DLGAP2: variants seen among roughly 807,000 people sequenced by gnomAD.
The protein encoded by DLGAP2 is disks large-associated protein 2.
A neutral mutation model predicts 100.3 loss-of-function variants in DLGAP2; 26 were observed. The observed-to-expected ratio is 0.26, with a 90% CI of 0.19 to 0.36. The LOEUF is 0.36. Among genes scored for constraint, DLGAP2 ranks in the 10% least tolerant of loss-of-function variants. The pLI is 1.00. For synonymous variants in DLGAP2, 886 were observed against 630.1 expected, an observed-to-expected ratio of 1.41 and a Z score of -6.08; for missense variants, 1,858 against 1,453.2, an observed-to-expected ratio of 1.28 and a Z score of -4.53.
chr8:1,389,441 G>A (rs1796296109), intron 3 of DLGAP2, among the ~76,000 whole-genome samples: 1 of 152,240 alleles, frequency 6.6e-6, no homozygotes, highest in East Asian at 1.9e-4. Flanking sequence ...TTGACAAGGG[G>A]CCCTGCTGAG....
intron 3 of DLGAP2, among the ~76,000 whole-genome samples, chr8:1,305,914 T>C (rs1457811115): frequency 6.6e-6 from 1 of 152,226 alleles, no homozygotes; most frequent in Non-Finnish European, 1.5e-5. Context: ...GATTATTTTC[T>C]TAATTTCCTT....
At chr8:1,505,921 A>T (rs1304313387) in intron 4 of DLGAP2, among the ~76,000 whole-genome samples, 1 of 152,256 alleles carries the variant, frequency 6.6e-6, no homozygotes, top group African/African-American at 2.4e-5. Flanking sequence ...TTGATAAATG[A>T]ATGCAAAATG....
intron 2 of DLGAP2, among the ~76,000 whole-genome samples, chr8:933,310 G>T (rs542703033): frequency 1.5e-4 from 23 of 152,304 alleles, no homozygotes; most frequent in Non-Finnish European, 2.9e-4. Context: ...GGTCCCGGGG[G>T]TGAGGGCAGA....
At chr8:1,263,906 C>G (rs1158145856) in intron 3 of DLGAP2, among the ~76,000 whole-genome samples, 1 of 152,052 alleles carries the variant, frequency 6.6e-6, no homozygotes, top group Non-Finnish European at 1.5e-5. Flanking sequence ...ATTATTGTTG[C>G]TTAAGAACTA....
At chr8:1,075,516 C>T (rs1445951024) in intron 2 of DLGAP2, among the ~76,000 whole-genome samples, 1 of 152,078 alleles carries the variant, frequency 6.6e-6, no homozygotes, top group African/African-American at 2.4e-5. Context: ...CATTTTCATC[C>T]CCTGCAGGGG....
intron 2 of DLGAP2, among the ~76,000 whole-genome samples, chr8:1,074,385 G>T (rs1803537214): frequency 3.9e-5 from 6 of 152,232 alleles, no homozygotes; most frequent in Non-Finnish European, 8.8e-5. Flanking sequence ...AGGGTTTGCA[G>T]CACAGAATTT....
At chr8:778,930 C>G (rs1024842125) in intron 1 of DLGAP2, among the ~76,000 whole-genome samples, 4 of 152,248 alleles carry the variant, frequency 2.6e-5, no homozygotes, top group Non-Finnish European at 5.9e-5. Flanking sequence ...GTGGGCGCCC[C>G]TCCCCCAGCC....
rs772326736 is a variant in DLGAP2 at position 1,668,694 on chromosome 8, C to T, written c.2160+16C>T. Reference sequence around the variant, plus strand: ...CGGGATTCAGGTAGCTGCTCTTGGCCGCCCGTCAGGGCCTCGCTCCACTCA... The same window carrying T: ...CGGGATTCAGGTAGCTGCTCTTGGCTGCCCGTCAGGGCCTCGCTCCACTCA... On this transcript the variant is annotated intron_variant, in intron 9 of 14. Transcript: ENST00000637795. 1.7e-5 allele frequency: 25 copies of T among 1,507,880 alleles called. No homozygotes were observed. Among genetic ancestry groups the T allele is most frequent in the Non-Finnish European group, 2.1e-5 (24 of 1,124,440 alleles). 93.4% of individuals were successfully genotyped at this position (1,507,880 alleles called of 1,614,324 possible). A position where few individuals can be genotyped will look rare whatever the true frequency, so the allele number is the denominator to read the frequency against.
At chr8:940,117 G>A (rs1000284211) in intron 2 of DLGAP2, among the ~76,000 whole-genome samples, 3 of 152,058 alleles carry the variant, frequency 2.0e-5, no homozygotes, top group African/African-American at 7.3e-5. Context: ...GAAAGACAGT[G>A]GGGCGTGGGG....
intron 11 of DLGAP2, 59 bp downstream of exon 11, chr8:1,676,677 C>A (rs1798818588): frequency 3.3e-6 from 5 of 1,514,082 alleles, no homozygotes. Flanking sequence ...TGTCAAAGGC[C>A]TGATGGAAGC....
At chr8:1,324,854 T>G (rs1800984558) in intron 3 of DLGAP2, among the ~76,000 whole-genome samples, 1 of 152,164 alleles carries the variant, frequency 6.6e-6, no homozygotes, top group Non-Finnish European at 1.5e-5. Flanking sequence ...CGGAGCTGAT[T>G]TGTTTTCTTG....
chr8:1,328,838 G>A (rs996751654), intron 3 of DLGAP2, among the ~76,000 whole-genome samples: 8 of 152,202 alleles, frequency 5.3e-5, no homozygotes, highest in Non-Finnish European at 7.3e-5. Context: ...GAGAAAGGCC[G>A]AACACAGATG....
chr8:1,053,755 C>A (rs1802791683), intron 2 of DLGAP2, among the ~76,000 whole-genome samples: 1 of 152,144 alleles, frequency 6.6e-6, no homozygotes, highest in Non-Finnish European at 1.5e-5. Context: ...GGCAGGTTAG[C>A]AAGCAGCCAA....
intron 2 of DLGAP2, among the ~76,000 whole-genome samples, chr8:970,425 T>C (rs1799983954): frequency 6.6e-6 from 1 of 152,210 alleles, no homozygotes; most frequent in Admixed American, 6.5e-5. Flanking sequence ...CTGATCAACG[T>C]TTATCAGCCC....
intron 2 of DLGAP2, among the ~76,000 whole-genome samples, chr8:977,735 G>A (rs1158485196): frequency 1.4e-5 from 2 of 145,124 alleles, no homozygotes; most frequent in East Asian, 2.0e-4. Context: ...GGGCGTCGGG[G>A]ATGCAGTGAG....
chr8:988,928 T>C (rs1302337415), intron 2 of DLGAP2, among the ~76,000 whole-genome samples: 1 of 152,190 alleles, frequency 6.6e-6, no homozygotes, highest in Non-Finnish European at 1.5e-5. Context: ...TGCAGGTGCC[T>C]CTCCACATGC....
intron 3 of DLGAP2, among the ~76,000 whole-genome samples, chr8:1,317,573 C>G (rs1273232746): frequency 1.4e-5 from 2 of 139,608 alleles, no homozygotes; most frequent in Non-Finnish European, 3.1e-5. Flanking sequence ...ACTCGAGACA[C>G]TCGGCAGCGT....
At chr8:1,222,184 C>G (rs1313307337) in intron 2 of DLGAP2, among the ~76,000 whole-genome samples, 5 of 152,184 alleles carry the variant, frequency 3.3e-5, no homozygotes, top group Admixed American at 2.6e-4. Context: ...AGTTGTTGTG[C>G]TGGTTCTTTC....
At chr8:744,046 C>G (rs751276642) in intron 1 of DLGAP2, among the ~76,000 whole-genome samples, 16 of 152,238 alleles carry the variant, frequency 1.1e-4, no homozygotes, top group Non-Finnish European at 1.6e-4. Flanking sequence ...AATGCCCAGA[C>G]ACCTGTTTTA....
Sources: gnomAD v4.1 joint callset for allele counts (sites outside exome capture counted in the v4.1 genomes callset) on GRCh38, gnomAD v4.1.1 for gene constraint, MANE v1.5 for transcripts, NCBI Gene and HGNC (gene_info 2026-07-23, HGNC 2026-07-21) for gene names.